Variants in NRG3 observed in about 807,000 individuals in gnomAD.
NRG3 encodes pro-neuregulin-3, membrane-bound isoform.
Under a neutral mutation model 66.9 loss-of-function variants are expected in NRG3, and 31 were observed. The observed-to-expected ratio is 0.46, with a 90% confidence interval of 0.35 to 0.63. NRG3 has a LOEUF of 0.63. NRG3 is among the 20% of genes least tolerant of loss of function. NRG3 has a pLI of 0.00. For synonymous variants in NRG3, 393 were observed against 359.4 expected, an observed-to-expected ratio of 1.09 and a Z score of -1.06; for missense variants, 910 against 878.9, an observed-to-expected ratio of 1.04 and a Z score of -0.45.
chr10:82,757,929 G>T (rs1385010999), intron 3 of NRG3, among the ~76,000 whole-genome samples: 6 of 152,060 alleles, frequency 3.9e-5, no homozygotes, highest in Admixed American at 1.3e-4. Flanking sequence ...TTTGGTCAGT[G>T]TCTTTGTTTT....
intron 1 of NRG3, among the ~76,000 whole-genome samples, chr10:82,273,975 A>G (rs917435797): frequency 6.6e-6 from 1 of 151,962 alleles, no homozygotes; most frequent in African/African-American, 2.4e-5. Flanking sequence ...ACTTAATTCT[A>G]TGCTTCTATT....
At chr10:82,653,980 ACT>A (rs2133910998) in intron 2 of NRG3, among the ~76,000 whole-genome samples, 1 of 152,210 alleles carries the variant, frequency 6.6e-6, no homozygotes, top group East Asian at 1.9e-4. Context: ...TTTCAACGAG[ACT>A]CTGTGGCAGC....
At chr10:81,966,505 C>G (rs145020804) in intron 1 of NRG3, among the ~76,000 whole-genome samples, 9 of 152,090 alleles carry the variant, frequency 5.9e-5, no homozygotes, top group African/African-American at 2.2e-4. Flanking sequence ...AAATGGGAGT[C>G]TTGCTTTGTT....
intron 1 of NRG3, among the ~76,000 whole-genome samples, chr10:81,884,505 T>C (rs1042207686): frequency 6.6e-6 from 1 of 152,188 alleles, no homozygotes; most frequent in Non-Finnish European, 1.5e-5. Flanking sequence ...TCTGTGGATT[T>C]AAGCAACCAG....
chr10:82,090,233 C>CTG (rs2065947008), intron 1 of NRG3, among the ~76,000 whole-genome samples: 1 of 152,034 alleles, frequency 6.6e-6, no homozygotes, highest in Non-Finnish European at 1.5e-5. Flanking sequence ...TACTAATAGC[C>CTG]TGTGTGAGGT....
At chr10:82,611,232 T>C (rs1462833189) in intron 2 of NRG3, among the ~76,000 whole-genome samples, 2 of 152,072 alleles carry the variant, frequency 1.3e-5, no homozygotes, top group African/African-American at 2.4e-5. Context: ...ATTTTTCTTC[T>C]TTTAAAATTA....
At position 82,934,261 on chromosome 10, in the gene NRG3, G is replaced by A. The variant is rs140768803; in HGVS notation, c.1055-17208G>A. Among the ~76,000 whole-genome samples the A allele has an allele frequency of 7.7e-3, 1,178 of 152,274 alleles. 47 individuals carry two copies. The highest frequency in any genetic ancestry group is 0.066 in the Admixed American group (1,004 of 15,294). The stretch of plus-strand genomic sequence containing the variant: ...GTCACAAGAACTATTGCCATAATGC[G>A]GTTAGGACATAAAGTAAACTTAAAT... On this transcript the variant is annotated intron_variant, in intron 4 of 8. Coordinates refer to ENST00000372141, the MANE Select transcript of NRG3 (RefSeq NM_001010848.4).
chr10:82,838,743 T>C (rs2062904415), intron 3 of NRG3, among the ~76,000 whole-genome samples: 1 of 152,130 alleles, frequency 6.6e-6, no homozygotes, highest in South Asian at 2.1e-4. Context: ...CACACACATA[T>C]ATATTTCTTT....
chr10:82,349,088 C>T (rs189519542), intron 1 of NRG3, among the ~76,000 whole-genome samples: 2,580 of 152,280 alleles, frequency 0.017, 76 homozygotes, highest in African/African-American at 0.059. Context: ...CTCCATCCAG[C>T]TTTGTTTCGT....
chr10:82,609,600 AAGAG>A (rs1246292955), intron 2 of NRG3, among the ~76,000 whole-genome samples: 4 of 151,978 alleles, frequency 2.6e-5, no homozygotes, highest in Non-Finnish European at 1.5e-5. Context: ...AAAAAAAAAA[AAGAG>A]AGAGAGAAAA....
At chr10:82,038,541 TG>T (rs2062895400) in intron 1 of NRG3, among the ~76,000 whole-genome samples, 1 of 152,102 alleles carries the variant, frequency 6.6e-6, no homozygotes, top group Admixed American at 6.6e-5. Flanking sequence ...TCACAACCCA[TG>T]AGTTTTGTTT....
At chr10:82,030,631 A>ATTTCGTTTTCCTTTT (rs2062523290) in intron 1 of NRG3, among the ~76,000 whole-genome samples, 1 of 152,026 alleles carries the variant, frequency 6.6e-6, no homozygotes, top group Non-Finnish European at 1.5e-5. Context: ...GGATATGATC[A>ATTTCGTTTTCCTTTT]AGACTTGATT....
chr10:82,864,232 A>G (rs1424200991), intron 3 of NRG3, among the ~76,000 whole-genome samples: 1 of 152,154 alleles, frequency 6.6e-6, no homozygotes, highest in East Asian at 1.9e-4. Context: ...AAAAACCACA[A>G]TTACTTTTGC....
At chr10:82,270,452 G>A (rs1232524181) in intron 1 of NRG3, among the ~76,000 whole-genome samples, 1 of 152,090 alleles carries the variant, frequency 6.6e-6, no homozygotes, top group Non-Finnish European at 1.5e-5. Context: ...CACCTGGGCT[G>A]TCTATGCATT....
chr10:82,116,423 T>C (rs2067721168), intron 1 of NRG3, among the ~76,000 whole-genome samples: 1 of 152,160 alleles, frequency 6.6e-6, no homozygotes, highest in South Asian at 2.1e-4. Context: ...TAGGAAGTGC[T>C]ATGTATCAAC....
chr10:82,429,294 A>G (rs1407568625), intron 2 of NRG3, among the ~76,000 whole-genome samples: 1 of 152,074 alleles, frequency 6.6e-6, no homozygotes, highest in Non-Finnish European at 1.5e-5. Flanking sequence ...TACTTTAACT[A>G]GTGCTTTTAT....
intron 1 of NRG3, among the ~76,000 whole-genome samples, chr10:82,297,302 T>C (rs916991416): frequency 6.6e-6 from 1 of 151,936 alleles, no homozygotes; most frequent in Non-Finnish European, 1.5e-5. Flanking sequence ...AGATACTCAG[T>C]AGTAGGATTG....
intron 1 of NRG3, among the ~76,000 whole-genome samples, chr10:82,212,255 T>C (rs558615908): frequency 3.7e-4 from 56 of 152,310 alleles, no homozygotes; most frequent in African/African-American, 1.3e-3. Context: ...TCGTTGTAGA[T>C]AAACACATGC....
At chr10:82,408,581 C>T (rs1177191656) in intron 2 of NRG3, among the ~76,000 whole-genome samples, 2 of 150,530 alleles carry the variant, frequency 1.3e-5, no homozygotes, top group African/African-American at 4.9e-5. Flanking sequence ...GTTTCAAGAA[C>T]ATGTTGACTT....
Sources: allele counts gnomAD v4.1 joint callset (sites outside exome capture counted in the v4.1 genomes callset), GRCh38; gene constraint gnomAD v4.1.1; transcripts MANE v1.5; gene names NCBI Gene and HGNC (gene_info 2026-07-23, HGNC 2026-07-21).